The following PCSK6 variants were observed in gnomAD, a reference collection of about 807,000 sequenced individuals.
The protein encoded by PCSK6 is proprotein convertase subtilisin/kexin type 6.
PCSK6 carries 85 observed loss-of-function variants against 123.3 expected under a neutral mutation model. That is an observed-to-expected ratio of 0.69 (90% CI 0.58 to 0.83). The LOEUF (loss-of-function observed/expected upper bound fraction) is 0.83, where lower values mean the gene tolerates loss of function less well. Among genes scored for constraint, PCSK6 ranks in the 40% least tolerant of loss-of-function variants. The pLI is 0.00. For synonymous variants in PCSK6, 508 were observed against 516.0 expected (o/e 0.98, Z 0.21); for missense variants, 1,191 against 1,282.3 (o/e 0.93, Z 1.09).
intron 13 of PCSK6, among the ~76,000 whole-genome samples, chr15:101,338,119 T>G (rs914560832): frequency 6.6e-6 from 1 of 152,196 alleles, no homozygotes; most frequent in African/African-American, 2.4e-5. Context: ...CCATGAGGCT[T>G]GACTGCAAAA....
At chr15:101,354,643 A>G (rs1484841903) in intron 13 of PCSK6, among the ~76,000 whole-genome samples, 1 of 152,230 alleles carries the variant, frequency 6.6e-6, no homozygotes, top group Non-Finnish European at 1.5e-5. Context: ...TTTCCCATAC[A>G]TGTGCTTTTA....
intron 13 of PCSK6, among the ~76,000 whole-genome samples, chr15:101,340,981 G>T: frequency 6.7e-6 from 1 of 149,804 alleles, no homozygotes; most frequent in South Asian, 2.1e-4. Flanking sequence ...AGTCACCCAG[G>T]CTGGAGTGTA....
chr15:101,433,086 T>C (rs1226339553), intron 2 of PCSK6, among the ~76,000 whole-genome samples: 2 of 152,204 alleles, frequency 1.3e-5, no homozygotes, highest in Non-Finnish European at 2.9e-5. Context: ...GTATCACTGA[T>C]ATTTAAGACC....
At chr15:101,462,487 A>G (rs1006378174) in intron 1 of PCSK6, among the ~76,000 whole-genome samples, 12 of 152,242 alleles carry the variant, frequency 7.9e-5, no homozygotes, top group Non-Finnish European at 1.5e-4. Context: ...CTCCTGAAAA[A>G]GAATAAGACT....
chr15:101,434,031 A>G (rs976525373), intron 2 of PCSK6, among the ~76,000 whole-genome samples: 1 of 152,222 alleles, frequency 6.6e-6, no homozygotes, highest in African/African-American at 2.4e-5. Flanking sequence ...ATAATTTATA[A>G]TGGCCGCTGA....
intron 13 of PCSK6, among the ~76,000 whole-genome samples, 198 bp from the exon 14 acceptor site, chr15:101,332,229 C>A (rs2040386476): frequency 6.6e-6 from 1 of 152,230 alleles, no homozygotes; most frequent in African/African-American, 2.4e-5. Flanking sequence ...CTCATTCCTG[C>A]AAGCCAGTGC....
intron 6 of PCSK6, 48 bp downstream of exon 6, chr15:101,427,843 GC>G: frequency 1.4e-6 from 2 of 1,419,024 alleles, no homozygotes; most frequent in Non-Finnish European, 1.9e-6. Flanking sequence ...GCTCCCAGCT[GC>G]CCCTGCCCCA....
chr15:101,429,195 G>A (rs1436599543), intron 5 of PCSK6, among the ~76,000 whole-genome samples: 1 of 152,128 alleles, frequency 6.6e-6, no homozygotes, highest in African/African-American at 2.4e-5. Flanking sequence ...TATTTTTAGA[G>A]GAATGATAAG....
At chr15:101,395,021 G>GGAA (rs1228999045) in intron 7 of PCSK6, among the ~76,000 whole-genome samples, 6 of 152,338 alleles carry the variant, frequency 3.9e-5, no homozygotes, top group African/African-American at 9.6e-5. Context: ...ATTACCTGCA[G>GGAA]GAAGAGATTC....
chr15:101,405,370 C>G (rs1346253418), intron 6 of PCSK6, among the ~76,000 whole-genome samples: 1 of 152,166 alleles, frequency 6.6e-6, no homozygotes, highest in East Asian at 1.9e-4. Flanking sequence ...CACAATGAAC[C>G]CGCCTGCCCA....
At chr15:101,438,812 A>G (rs1488851258) in intron 2 of PCSK6, among the ~76,000 whole-genome samples, 1 of 152,134 alleles carries the variant, frequency 6.6e-6, no homozygotes, top group Non-Finnish European at 1.5e-5. Flanking sequence ...ATACAAACAT[A>G]CGACTGCTAG....
intron 13 of PCSK6, among the ~76,000 whole-genome samples, chr15:101,338,331 A>G (rs1426289850): frequency 6.6e-6 from 1 of 152,014 alleles, no homozygotes; most frequent in Non-Finnish European, 1.5e-5. Flanking sequence ...TTCAGGAGGC[A>G]TCCACCTCCT....
intron 6 of PCSK6, among the ~76,000 whole-genome samples, chr15:101,406,436 C>T (rs113451670): frequency 2.0e-5 from 3 of 152,178 alleles, no homozygotes; most frequent in African/African-American, 7.2e-5. Flanking sequence ...AAATAGGCCT[C>T]CCCAACACAT....
chr15:101,320,205 C>T (rs988742380), intron 18 of PCSK6, among the ~76,000 whole-genome samples: 1 of 152,218 alleles, frequency 6.6e-6, no homozygotes, highest in South Asian at 2.1e-4. Flanking sequence ...CCTGCCTCAG[C>T]CTCCCGAGTA....
intron 13 of PCSK6, chr15:101,347,374 G>T: frequency 8.1e-7 from 1 of 1,236,408 alleles, no homozygotes; most frequent in Non-Finnish European, 1.0e-6. Flanking sequence ...ATTGTTGAAA[G>T]GGCCACTGAA....
In PCSK6 at chr15:101,410,989, C is replaced by T. The variant is rs565457596; in HGVS notation, c.824-12413G>A. 2.0e-4 allele frequency among the ~76,000 whole-genome samples: 30 copies of T among 152,286 alleles called. 2 individuals are homozygous for T. The South Asian group carries it at 5.0e-3, about 25-fold the overall frequency. Reference sequence around the variant, plus strand: ...CCACAGTGAAAAGACTCAAGAGACCCAACCCAGGAGGAAGACTGAGCACGC... The same window carrying T: ...CCACAGTGAAAAGACTCAAGAGACCTAACCCAGGAGGAAGACTGAGCACGC... On this transcript the variant is annotated intron_variant, in intron 6 of 21. Transcript: ENST00000611716.
chr15:101,331,242 G>A (rs1220334106), intron 15 of PCSK6, among the ~76,000 whole-genome samples: 4 of 152,250 alleles, frequency 2.6e-5, no homozygotes, highest in East Asian at 1.9e-4. Flanking sequence ...GGAGAAAAAC[G>A]ATTCATGCAG....
chr15:101,403,672 A>G (rs2042678702), intron 6 of PCSK6, among the ~76,000 whole-genome samples: 1 of 152,190 alleles, frequency 6.6e-6, no homozygotes, highest in South Asian at 2.1e-4. Flanking sequence ...TTCTCAGAGG[A>G]AAATGATCAG....
chr15:101,425,304 C>T (rs1045968361), intron 6 of PCSK6, among the ~76,000 whole-genome samples: 1 of 152,192 alleles, frequency 6.6e-6, no homozygotes, highest in Non-Finnish European at 1.5e-5. Context: ...CTGCAAACAG[C>T]TTTAGCCTCT....
Sources: allele counts gnomAD v4.1 joint callset (sites outside exome capture counted in the v4.1 genomes callset), GRCh38; gene constraint gnomAD v4.1.1; transcripts MANE v1.5; gene names NCBI Gene and HGNC (gene_info 2026-07-23, HGNC 2026-07-21).